Variants in COL22A1 observed in about 807,000 individuals in gnomAD.
The protein encoded by COL22A1 is collagen type XXII alpha 1 chain.
Under a neutral mutation model 248.9 loss-of-function variants are expected in COL22A1, and 221 were observed. The observed-to-expected ratio is 0.89, with a 90% CI of 0.80 to 0.99. COL22A1 has a LOEUF of 0.99. Ranked by LOEUF, COL22A1 falls within the 50% of genes least tolerant of loss-of-function variation. COL22A1 has a pLI of 0.00. For missense variants in COL22A1, 2,240 were observed against 2,179.0 expected (o/e 1.03, Z -0.56); for synonymous variants, 891 against 793.4 (o/e 1.12, Z -2.07).
At chr8:138,722,858 G>T (rs1161693554) in intron 25 of COL22A1, among the ~76,000 whole-genome samples, 1 of 108,752 alleles carries the variant, frequency 9.2e-6, no homozygotes, top group African/African-American at 3.3e-5. Context: ...GGCGGGGGGG[G>T]GGTGGTGGAA....
In COL22A1 at chr8:138,589,226, T is replaced by C. The variant is rs747349533; in HGVS notation, c.*27A>G. On this transcript the variant is annotated 3_prime_UTR_variant, in exon 65 of 65. Coordinates refer to ENST00000303045, the MANE Select transcript of COL22A1 (RefSeq NM_152888.3). ...CTGAGTTCAAGTTTCAGAAATCCAC[T>C]GCAGTCTTCTGGCTTTCCAGAGTCC... 17 of 1,608,116 alleles carry C rather than the reference T, an allele frequency of 1.1e-5. No individual in the cohort carries two copies. Among genetic ancestry groups the C allele is most frequent in the Non-Finnish European group, 1.2e-5 (14 of 1,176,992 alleles).
chr8:138,616,201 G>A (rs1441555885), intron 54 of COL22A1, 147 bp from the exon 55 acceptor site: 1 of 691,932 alleles, frequency 1.4e-6, no homozygotes, highest in Non-Finnish European at 2.5e-6. Context: ...CCTGAGTTGA[G>A]GTCTGTGGCG....
intron 3 of COL22A1, among the ~76,000 whole-genome samples, chr8:138,872,553 A>G (rs1243302752): frequency 6.6e-6 from 1 of 152,218 alleles, no homozygotes; most frequent in Non-Finnish European, 1.5e-5. Flanking sequence ...GATAAGCTAT[A>G]TAAAGCTCGT....
chr8:138,656,061 G>A (rs1587780927), intron 44 of COL22A1, 117 bp from the exon 45 acceptor site: 10 of 805,788 alleles, frequency 1.2e-5, no homozygotes, highest in South Asian at 6.0e-5. Context: ...ACACTGCGCC[G>A]TGCGTGGGAT....
chr8:138,625,031 A>C (rs1346687408), intron 51 of COL22A1, among the ~76,000 whole-genome samples: 1 of 152,216 alleles, frequency 6.6e-6, no homozygotes, highest in East Asian at 1.9e-4. Flanking sequence ...ACGTCCTCAG[A>C]TCTAACAAAC....
chr8:138,706,601 C>T (rs1178602478), intron 30 of COL22A1, among the ~76,000 whole-genome samples: 2 of 152,158 alleles, frequency 1.3e-5, no homozygotes, highest in Non-Finnish European at 2.9e-5. Context: ...AGAACAGAGA[C>T]ACAACATACC....
chr8:138,738,471 T>C (rs1201694632), intron 22 of COL22A1, among the ~76,000 whole-genome samples: 1 of 152,180 alleles, frequency 6.6e-6, no homozygotes, highest in East Asian at 1.9e-4. Context: ...GAATTGAAAG[T>C]AAAATAAGAC....
chr8:138,758,011 T>G (rs1379255475), intron 18 of COL22A1, among the ~76,000 whole-genome samples: 1 of 152,060 alleles, frequency 6.6e-6, no homozygotes, highest in Non-Finnish European at 1.5e-5. Flanking sequence ...CAAGATTCGG[T>G]GATAAAAATG....
At position 138,809,640 on chromosome 8, in the gene COL22A1, C is replaced by T. The variant is rs1818039148; in HGVS notation, c.1450-1828G>A. Among the ~76,000 whole-genome samples, 5 of 151,450 alleles carry T rather than the reference C, an allele frequency of 3.3e-5. No individual in the cohort carries two copies. In the South Asian group the frequency reaches 1.0e-3, roughly 32 times the overall value. On this transcript the variant is annotated intron_variant, in intron 9 of 64. Transcript: ENST00000303045. ...GGTTCAAGAGATTCTCCTGCCTCAG[C>T]CTCCTGAGTAGCTGGGATTATAGGC... is the stretch of plus-strand genomic sequence containing the variant.
At chr8:138,891,291 T>C (rs1440983952) in intron 1 of COL22A1, among the ~76,000 whole-genome samples, 1 of 152,128 alleles carries the variant, frequency 6.6e-6, no homozygotes, top group East Asian at 1.9e-4. Flanking sequence ...AATAGAGTAA[T>C]CACAGCAGAC....
chr8:138,619,489 C>A lies in COL22A1; in HGVS notation c.3791G>T (p.Gly1264Val). Residue 1264 changes from glycine to valine, a missense_variant, in exon 53 of 65, where the codon GGT becomes GTT. Physicochemically the swap from Gly to Val is moderately radical, Grantham distance 109. Coordinates refer to ENST00000303045, the MANE Select transcript of COL22A1 (RefSeq NM_152888.3). ...PGEPGKAGEP[G>V]LPGPEGARGP... ...TCGGGCACCCTCTGGTCCTGGTAGACCTGGCTCTCCTGCTTTGCCCTGAGA... is the reference window on the plus strand; with the variant it reads ...TCGGGCACCCTCTGGTCCTGGTAGAACTGGCTCTCCTGCTTTGCCCTGAGA... The A allele has an allele frequency of 1.2e-6, 2 of 1,614,144 alleles. No homozygotes were observed. The highest frequency in any genetic ancestry group is 1.7e-6 in the Non-Finnish European group (2 of 1,179,994).
At chr8:138,668,921 G>T (rs1824760379) in intron 41 of COL22A1, among the ~76,000 whole-genome samples, 1 of 152,214 alleles carries the variant, frequency 6.6e-6, no homozygotes, top group Non-Finnish European at 1.5e-5. Flanking sequence ...GGTTTAGTGG[G>T]GTCGGGGGCT....
chr8:138,718,866 G>A (rs1292728270), intron 27 of COL22A1, among the ~76,000 whole-genome samples: 2 of 152,166 alleles, frequency 1.3e-5, no homozygotes, highest in African/African-American at 2.4e-5. Flanking sequence ...AAAACACATA[G>A]ATTGAAAAGC....
intron 3 of COL22A1, among the ~76,000 whole-genome samples, chr8:138,855,158 G>C (rs1286777193): frequency 2.6e-5 from 4 of 152,192 alleles, no homozygotes; most frequent in Non-Finnish European, 5.9e-5. Flanking sequence ...AAAATGTCCA[G>C]TACAGTGCCT....
At chr8:138,640,196 G>A (rs1360204248) in intron 47 of COL22A1, among the ~76,000 whole-genome samples, 1 of 152,104 alleles carries the variant, frequency 6.6e-6, no homozygotes, top group Non-Finnish European at 1.5e-5. Flanking sequence ...TACCTTCGTG[G>A]AAAACCTCTC....
chr8:138,613,771 A>G, intron 56 of COL22A1, 96 bp downstream of exon 56: 2 of 1,138,904 alleles, frequency 1.8e-6, no homozygotes, highest in East Asian at 4.7e-5. Flanking sequence ...TTTTTTAACA[A>G]TATATACAGT....
chr8:138,636,685 G>T, intron 48 of COL22A1, 57 bp downstream of exon 48: 1 of 1,280,758 alleles, frequency 7.8e-7, no homozygotes, highest in Non-Finnish European at 1.1e-6. Context: ...GAAGCCACCT[G>T]GGAGAAACAG....
chr8:138,903,321 G>T (rs1814757783), intron 1 of COL22A1, among the ~76,000 whole-genome samples: 1 of 152,162 alleles, frequency 6.6e-6, no homozygotes, highest in Non-Finnish European at 1.5e-5. Context: ...ATCACCAACG[G>T]CTTCCTGAAG....
At chr8:138,742,442 TTGA>T (rs1378952625) in intron 22 of COL22A1, among the ~76,000 whole-genome samples, 2 of 133,382 alleles carry the variant, frequency 1.5e-5, no homozygotes, top group African/African-American at 5.9e-5. Flanking sequence ...GATGGTAGAG[TTGA>T]TGATGGTACT....
Sources: allele counts gnomAD v4.1 joint callset (sites outside exome capture counted in the v4.1 genomes callset), GRCh38; gene constraint gnomAD v4.1.1; transcripts MANE v1.5; gene names NCBI Gene and HGNC (gene_info 2026-07-23, HGNC 2026-07-21).